SEMA3E: variants seen among roughly 807,000 people sequenced by gnomAD.
The protein encoded by SEMA3E is semaphorin 3E.
In SEMA3E, 49 loss-of-function variants were observed where a neutral mutation model predicts 93.6. That is an observed-to-expected ratio of 0.52 (90% confidence interval 0.42 to 0.66). SEMA3E has a LOEUF of 0.66. Ranked by LOEUF, SEMA3E falls within the 30% of genes least tolerant of loss-of-function variation. The probability of loss-of-function intolerance (pLI) is 0.00; values close to 1 mark genes in which losing one functional copy is unlikely to be tolerated. For missense variants in SEMA3E, 906 were observed against 964.8 expected, an observed-to-expected ratio of 0.94 and a Z score of 0.81; for synonymous variants, 363 against 330.7, an observed-to-expected ratio of 1.10 and a Z score of -1.06.
At position 83,639,062 on chromosome 7, in the gene SEMA3E, G is replaced by C. The variant is rs552969151; in HGVS notation, c.115+9366C>G. On this transcript the variant is annotated intron_variant, in intron 1 of 16. Transcript: ENST00000643230. ...GGAGGCGGAGGTTGCAGTGAGCCGA[G>C]ATCCCGCCACTGCACTCCAGCCTGG... Among the ~76,000 whole-genome samples the C allele has an allele frequency of 3.6e-3, 458 of 127,570 alleles. 4 individuals carry two copies. The highest frequency in any genetic ancestry group is 0.013 in the African/African-American group (433 of 33,932). The allele number at this position is 127,570 out of a possible 152,430, so 83.7% of individuals were successfully genotyped here.
chr7:83,557,776 A>G (rs1000181813), intron 1 of SEMA3E, among the ~76,000 whole-genome samples: 1 of 152,146 alleles, frequency 6.6e-6, no homozygotes, highest in African/African-American at 2.4e-5. Context: ...GCCTAACAGC[A>G]AGCTAGCTCA....
intron 1 of SEMA3E, among the ~76,000 whole-genome samples, chr7:83,529,523 A>G (rs1198709842): frequency 6.6e-6 from 1 of 152,174 alleles, no homozygotes; most frequent in Non-Finnish European, 1.5e-5. Context: ...CAAAAAATTT[A>G]CAAACATTTT....
At chr7:83,398,325 T>A (rs559161708) in intron 11 of SEMA3E, among the ~76,000 whole-genome samples, 1 of 152,200 alleles carries the variant, frequency 6.6e-6, no homozygotes, top group Non-Finnish European at 1.5e-5. Context: ...TTGGTGCAAA[T>A]TTATTGCAGT....
Position 83,637,040 on chromosome 7 carries a change from ATGTG to A in SEMA3E, c.115+11384_115+11387del, listed in dbSNP as rs551927562. ...TGTGTGAGAGTGTGTGTGTGTGTGT[ATGTG>A]TGTGTGTGTGTGTGTGTGAAACTTC... On this transcript the variant is annotated intron_variant, in intron 1 of 16. Transcript: ENST00000643230. Among the ~76,000 whole-genome samples the A allele has an allele frequency of 8.8e-4, 131 of 148,736 alleles. 1 individual carries two copies. Among genetic ancestry groups the A allele is most frequent in the Non-Finnish European group, 1.2e-3 (81 of 67,022 alleles).
At chr7:83,468,983 TA>T (rs1316771308) in intron 3 of SEMA3E, among the ~76,000 whole-genome samples, 1 of 152,150 alleles carries the variant, frequency 6.6e-6, no homozygotes, top group Non-Finnish European at 1.5e-5. Context: ...AGCATTAGTA[TA>T]AGGAATGTAT....
At chr7:83,576,510 T>C (rs1792404319) in intron 1 of SEMA3E, among the ~76,000 whole-genome samples, 1 of 152,196 alleles carries the variant, frequency 6.6e-6, no homozygotes, top group Admixed American at 6.5e-5. Flanking sequence ...TTGATCTTTT[T>C]CTATAAGTCA....
At chr7:83,402,181 G>A (rs1238324304) in intron 10 of SEMA3E, among the ~76,000 whole-genome samples, 1 of 151,974 alleles carries the variant, frequency 6.6e-6, no homozygotes, top group Non-Finnish European at 1.5e-5. Flanking sequence ...GAGAAGTAAG[G>A]AGACAGTTTG....
intron 1 of SEMA3E, among the ~76,000 whole-genome samples, chr7:83,536,667 A>G (rs945900821): frequency 1.3e-5 from 2 of 152,168 alleles, no homozygotes; most frequent in African/African-American, 4.8e-5. Context: ...TAGCTAAATG[A>G]ATATAAATAT....
chr7:83,418,436 G>A lies in SEMA3E; in HGVS notation c.504C>T (p.Gly168=). 1.2e-6 allele frequency: 2 copies of A among 1,612,024 alleles called. No individual in the cohort carries two copies. Among genetic ancestry groups the A allele is most frequent in the Non-Finnish European group, 1.7e-6 (2 of 1,179,026 alleles). Residue 168 remains glycine (G), a synonymous_variant, in exon 5 of 17, where the codon GGC becomes GGT. Transcript: ENST00000643230. Reference sequence around the variant, plus strand: ...AGGAGCTGGGGTCAAAAGGACATCTGCCCCTTCCTCTCTCAGATCTGGGTG... The same window carrying A: ...AGGAGCTGGGGTCAAAAGGACATCTACCCCTTCCTCTCTCAGATCTGGGTG... ...LESPRSERGR[G]RCPFDPSSSF...
intron 1 of SEMA3E, among the ~76,000 whole-genome samples, chr7:83,579,205 T>A (rs924994427): frequency 3.3e-5 from 5 of 152,144 alleles, no homozygotes; most frequent in South Asian, 2.1e-4. Context: ...AAAACTTTTT[T>A]AAAATAAAAA....
At chr7:83,425,698 T>G (rs1788756605) in intron 4 of SEMA3E, among the ~76,000 whole-genome samples, 2 of 152,182 alleles carry the variant, frequency 1.3e-5, no homozygotes, top group South Asian at 4.1e-4. Flanking sequence ...GAACTTCTTT[T>G]GCCTGGATAT....
intron 1 of SEMA3E, among the ~76,000 whole-genome samples, chr7:83,512,765 G>T (rs1790852454): frequency 6.6e-6 from 1 of 152,128 alleles, no homozygotes; most frequent in Admixed American, 6.6e-5. Flanking sequence ...TATATACATT[G>T]TGCCTGTCTT....
At chr7:83,368,073 C>T in intron 16 of SEMA3E, 35 bp from the exon 17 acceptor site, 5 of 1,574,682 alleles carry the variant, frequency 3.2e-6, no homozygotes, top group Non-Finnish European at 4.4e-6. Flanking sequence ...CACTGAAGTA[C>T]ACAGGAGAGA....
chr7:83,457,184 T>C (rs1334526074), intron 4 of SEMA3E, among the ~76,000 whole-genome samples: 1 of 151,800 alleles, frequency 6.6e-6, no homozygotes, highest in Non-Finnish European at 1.5e-5. Context: ...TTTGGGAAAG[T>C]GAGAGTGAGA....
chr7:83,608,106 G>A (rs949863724), intron 1 of SEMA3E, among the ~76,000 whole-genome samples: 9 of 151,924 alleles, frequency 5.9e-5, no homozygotes, highest in African/African-American at 1.7e-4. Flanking sequence ...CTAGACACTC[G>A]GGAGGCTGAG....
chr7:83,461,533 T>A (rs1040076680), intron 4 of SEMA3E, among the ~76,000 whole-genome samples: 2 of 152,154 alleles, frequency 1.3e-5, no homozygotes, highest in Non-Finnish European at 1.5e-5. Flanking sequence ...ATAGTCAAGG[T>A]TAATGCTCTT....
intron 16 of SEMA3E, chr7:83,372,571 C>A: frequency 7.6e-6 from 2 of 264,854 alleles, no homozygotes; most frequent in Admixed American, 5.3e-5. Context: ...ATCAGAAACC[C>A]AAGTTTGAGA....
At chr7:83,595,575 G>T (rs556271747) in intron 1 of SEMA3E, among the ~76,000 whole-genome samples, 1 of 151,946 alleles carries the variant, frequency 6.6e-6, no homozygotes. Context: ...GCATTTAGTT[G>T]TCATATCTTC....
chr7:83,639,090 G>C (rs1009352751), intron 1 of SEMA3E, among the ~76,000 whole-genome samples: 1 of 111,172 alleles, frequency 9.0e-6, no homozygotes, highest in African/African-American at 3.5e-5. Context: ...CAGCCTGGGC[G>C]ACAGAGCGAG....
Sources: gnomAD v4.1 joint callset for allele counts (sites outside exome capture counted in the v4.1 genomes callset) on GRCh38, gnomAD v4.1.1 for gene constraint, MANE v1.5 for transcripts, NCBI Gene and HGNC (gene_info 2026-07-23, HGNC 2026-07-21) for gene names.